ACAD11: variants seen among roughly 807,000 people sequenced by gnomAD.
ACAD11 encodes acyl-CoA dehydrogenase family member 11.
A neutral mutation model predicts 102.2 loss-of-function variants in ACAD11; 83 were observed. The observed-to-expected ratio is 0.81, with a 90% confidence interval of 0.68 to 0.97. The LOEUF is 0.97. Ranked by LOEUF, ACAD11 falls within the 50% of genes least tolerant of loss-of-function variation. The pLI, the probability that ACAD11 is intolerant of heterozygous loss-of-function variation, is 0.00. For missense variants in ACAD11, 901 were observed against 951.7 expected, an observed-to-expected ratio of 0.95 and a Z score of 0.70; for synonymous variants, 324 against 319.8, an observed-to-expected ratio of 1.01 and a Z score of -0.14.
chr3:132,652,509 C>T (rs758240623), intron 1 of ACAD11, among the ~76,000 whole-genome samples: 9 of 152,142 alleles, frequency 5.9e-5, no homozygotes, highest in Non-Finnish European at 1.3e-4. Context: ...TTCACTTGCC[C>T]TTTCCTCACT....
intron 13 of ACAD11, chr3:132,601,674 T>C (rs998327776): frequency 6.2e-6 from 3 of 485,964 alleles, no homozygotes; most frequent in Non-Finnish European, 1.2e-5. Flanking sequence ...AAAATAATTG[T>C]AACAGGCATA....
intron 13 of ACAD11, among the ~76,000 whole-genome samples, chr3:132,599,043 T>C (rs1241260335): frequency 6.6e-6 from 1 of 152,168 alleles, no homozygotes; most frequent in Non-Finnish European, 1.5e-5. Flanking sequence ...CCAGGTGCAG[T>C]GGCTCATGCC....
intron 4 of ACAD11, among the ~76,000 whole-genome samples, chr3:132,641,260 T>C (rs1940482136): frequency 6.6e-6 from 1 of 152,146 alleles, no homozygotes; most frequent in Non-Finnish European, 1.5e-5. Flanking sequence ...GAAAAAACTG[T>C]AAGCCGGGCA....
intron 11 of ACAD11, among the ~76,000 whole-genome samples, chr3:132,609,300 C>T (rs796515376): frequency 1.4e-4 from 22 of 152,194 alleles, no homozygotes; most frequent in African/African-American, 4.8e-4. Flanking sequence ...CAGAGCAGAA[C>T]TGAAGGAGAT....
At chr3:132,608,740 G>C (rs1308362396) in intron 11 of ACAD11, among the ~76,000 whole-genome samples, 3 of 152,168 alleles carry the variant, frequency 2.0e-5, no homozygotes, top group African/African-American at 7.2e-5. Flanking sequence ...CGACGAGACA[G>C]AAAATTAACA....
chr3:132,558,870 G>T lies in ACAD11; in HGVS notation c.*101C>A, dbSNP rs893358094. Reference sequence around the variant, plus strand: ...TTACCACAAATGAATAATTAACCCTGTGCTCAAACTGCTACAAAAATATGA... The same window carrying T: ...TTACCACAAATGAATAATTAACCCTTTGCTCAAACTGCTACAAAAATATGA... On this transcript the variant is annotated 3_prime_UTR_variant, in exon 20 of 20. Transcript: ENST00000264990. 10 of 807,734 alleles carry T rather than the reference G, an allele frequency of 1.2e-5. No homozygotes were observed. Among genetic ancestry groups the T allele is most frequent in the South Asian group, 1.2e-4 (7 of 59,384 alleles). 50.0% of individuals were successfully genotyped at this position (807,734 alleles called of 1,614,324 possible).
At chr3:132,644,728 T>G (rs1940653281) in intron 2 of ACAD11, 69 bp downstream of exon 2, 1 of 804,708 alleles carries the variant, frequency 1.2e-6, no homozygotes, top group African/African-American at 1.8e-5. Flanking sequence ...TAAAAGTAAA[T>G]TGGCTTTGTG....
rs10804608 is a variant in ACAD11 at position 132,591,196 on chromosome 3, C to T, written c.1622-11638G>A. Among the ~76,000 whole-genome samples the T allele has an allele frequency of 3.3e-5, 5 of 151,970 alleles. No individual in the cohort carries two copies. In the East Asian group the frequency reaches 7.7e-4, roughly 24 times the overall value. ...TAACTTTTGTATATGGTGTAAGGTACGGGTCCAGCTTCAATCTTCTGCATA... is the reference window on the plus strand; with the variant it reads ...TAACTTTTGTATATGGTGTAAGGTATGGGTCCAGCTTCAATCTTCTGCATA... On this transcript the variant is annotated intron_variant, in intron 13 of 19. Coordinates refer to ENST00000264990, the MANE Select transcript of ACAD11 (RefSeq NM_032169.5).
intron 5 of ACAD11, among the ~76,000 whole-genome samples, chr3:132,634,395 G>T (rs1423545830): frequency 3.3e-5 from 5 of 152,136 alleles, no homozygotes; most frequent in South Asian, 4.2e-4. Flanking sequence ...TCATTAAAAA[G>T]TCAGGAAACA....
chr3:132,601,962 A>T (rs1938624153), intron 13 of ACAD11: 1 of 178,566 alleles, frequency 5.6e-6, no homozygotes, highest in South Asian at 1.5e-4. Context: ...ACAAGTTAAA[A>T]AAAAACCCAC....
chr3:132,589,496 G>C (rs1030517386), intron 13 of ACAD11, among the ~76,000 whole-genome samples: 1 of 152,114 alleles, frequency 6.6e-6, no homozygotes, highest in Non-Finnish European at 1.5e-5. Context: ...TTTTTCAACT[G>C]GATATTTTTC....
chr3:132,590,075 A>G (rs141587283), intron 13 of ACAD11, among the ~76,000 whole-genome samples: 8 of 152,336 alleles, frequency 5.3e-5, no homozygotes, highest in Non-Finnish European at 8.8e-5. Flanking sequence ...TCCATGGTGT[A>G]TATGTACCAC....
rs377279125 is a variant in ACAD11, at chr3:132,603,372, C to T, written c.1523-45G>A. ...GAATTTACAGGCAGGCAGATATCAT[C>T]AGTAGACTTAGATAAGGATATGAAA... On this transcript the variant is annotated intron_variant, in intron 12 of 19. Coordinates refer to ENST00000264990, the MANE Select transcript of ACAD11 (RefSeq NM_032169.5). 1.2e-5 allele frequency: 18 copies of T among 1,524,564 alleles called. No individual in the cohort carries two copies. The African/African-American group carries it at 2.3e-4, about 20-fold the overall frequency. The allele number at this position is 1,524,564 out of a possible 1,614,324, so 94.4% of individuals were successfully genotyped here.
At chr3:132,624,079 C>T (rs1354849238) in intron 9 of ACAD11, among the ~76,000 whole-genome samples, 1 of 142,050 alleles carries the variant, frequency 7.0e-6, no homozygotes, top group South Asian at 2.3e-4. Flanking sequence ...CTCTGGGAGG[C>T]TGAGGTGGGA....
At chr3:132,624,385 T>A (rs1366798829) in intron 9 of ACAD11, among the ~76,000 whole-genome samples, 1 of 150,572 alleles carries the variant, frequency 6.6e-6, no homozygotes, top group African/African-American at 2.4e-5. Flanking sequence ...GGTGCGCGGA[T>A]CACGAGGTCA....
chr3:132,644,829 G>T lies in ACAD11; in HGVS notation c.217C>A (p.Pro73Thr), dbSNP rs751766822. Residue 73 changes from proline (P) to threonine (T), a missense_variant, in exon 2 of 20, where the codon CCA becomes ACA. Physicochemically the swap from Pro to Thr is conservative, Grantham distance 38. Transcript: ENST00000264990. The stretch of plus-strand genomic sequence containing the variant: ...GCTTTAGGAAGAAGTGAACCTGGTG[G>T]TTTTTTCCTGAGCACATATGTTTGA... ...GFQTYVLRKK[P>T]PGSLLPKAHQ... 14 of 1,612,244 alleles carry T rather than the reference G, an allele frequency of 8.7e-6. No homozygotes were observed. The highest frequency in any genetic ancestry group is 1.1e-5 in the South Asian group (1 of 90,836).
At chr3:132,610,813 A>C (rs1428924704) in intron 11 of ACAD11, among the ~76,000 whole-genome samples, 1 of 152,206 alleles carries the variant, frequency 6.6e-6, no homozygotes, top group Non-Finnish European at 1.5e-5. Context: ...AGCTGGTACC[A>C]TTCCTTCTGA....
chr3:132,629,461 A>G (rs1939950762), intron 7 of ACAD11, among the ~76,000 whole-genome samples: 1 of 152,182 alleles, frequency 6.6e-6, no homozygotes, highest in Non-Finnish European at 1.5e-5. Context: ...TGCCTGGCCT[A>G]TGTTGTACAT....
chr3:132,602,500 T>C (rs1938654889), intron 13 of ACAD11, among the ~76,000 whole-genome samples: 1 of 152,140 alleles, frequency 6.6e-6, no homozygotes, highest in African/African-American at 2.4e-5. Flanking sequence ...TATTTTTGAG[T>C]AATAAAAATA....
Sources: gnomAD v4.1 joint callset for allele counts (sites outside exome capture counted in the v4.1 genomes callset) on GRCh38, gnomAD v4.1.1 for gene constraint, MANE v1.5 for transcripts, NCBI Gene and HGNC (gene_info 2026-07-23, HGNC 2026-07-21) for gene names.